WDR1: variants seen among roughly 807,000 people sequenced by gnomAD.
WDR1 encodes WD repeat domain 1, also known as WD repeat-containing protein 1.
A neutral mutation model predicts 71.9 loss-of-function variants in WDR1; 21 were observed. That is an observed-to-expected ratio of 0.29 (90% CI 0.21 to 0.42). The LOEUF is 0.42. Among genes scored for constraint, WDR1 ranks in the 10% least tolerant of loss-of-function variants. The pLI, the probability that WDR1 is intolerant of heterozygous loss-of-function variation, is 1.00. For synonymous variants in WDR1, 424 were observed against 347.4 expected (o/e 1.22, Z -2.45); for missense variants, 696 against 824.5 (o/e 0.84, Z 1.91).
intron 11 of WDR1, 150 bp from the exon 12 acceptor site, chr4:10,079,151 C>T (rs1296349066): frequency 5.0e-6 from 3 of 602,362 alleles, no homozygotes; most frequent in Non-Finnish European, 8.7e-6. Flanking sequence ...GGCTCTGAGC[C>T]ACACCACCTG....
In WDR1 at chr4:10,097,865, C is replaced by G. The variant is rs780795440; in HGVS notation, c.404G>C (p.Ser135Thr). Residue 135 changes from serine (S) to threonine (T), a missense_variant, in exon 5 of 15, where the codon AGT becomes ACT. Physicochemically the swap from Ser to Thr is moderately conservative, Grantham distance 58 (BLOSUM62 1). Transcript: ENST00000499869. Reference protein sequence around the residue: ...EKFGAVFLWDSGSSVGEITGH... With the variant: ...EKFGAVFLWDTGSSVGEITGH... ...TGTAATCTCGCCCACAGAAGAGCCA[C>G]TATCCCAGAGGAAGACTGCTCCAAA... 1 of 1,606,066 alleles carries G rather than the reference C, an allele frequency of 6.2e-7. No individual in the cohort carries two copies. The highest frequency in any genetic ancestry group is 1.1e-5 in the South Asian group (1 of 90,674).
At chr4:10,085,999 C>T (rs768510572) in intron 8 of WDR1, among the ~76,000 whole-genome samples, 2 of 152,170 alleles carry the variant, frequency 1.3e-5, no homozygotes, top group African/African-American at 4.8e-5. Context: ...TGGCCCCAGA[C>T]AGTTGGCAGC....
chr4:10,110,357 C>G (rs1274122222), intron 2 of WDR1, among the ~76,000 whole-genome samples: 1 of 152,196 alleles, frequency 6.6e-6, no homozygotes, highest in Non-Finnish European at 1.5e-5. Flanking sequence ...TACTCTTGGG[C>G]AAGGCCATCT....
intron 14 of WDR1, chr4:10,075,688 C>A: frequency 1.7e-6 from 1 of 597,816 alleles, no homozygotes; most frequent in South Asian, 2.0e-5. Context: ...GGGCCGGGTA[C>A]CTCTTTTTTG....
chr4:10,078,016 CTG>C (rs1764868399), intron 12 of WDR1, 90 bp from the exon 13 acceptor site: 3 of 1,414,562 alleles, frequency 2.1e-6, no homozygotes, highest in East Asian at 2.6e-5. Context: ...GCTTAAGAAA[CTG>C]TGCCGTTCCC....
rs766067328 is a variant in WDR1 at position 10,088,371 on chromosome 4, T to C, written c.639A>G (p.Ile213Met). ...CCCCAGTCTTCCCGTCATAGATGTA[T>C]ATCTTCCAAGAAATAAAAACATGTG... is the stretch of plus-strand genomic sequence containing the variant. ...RFATASADGQ[I>M]YIYDGKTGEK... is the part of the protein sequence containing the mutation. The change falls in exon 7 of 15, where the codon ATA becomes ATG. Residue 213 changes from isoleucine to methionine, a missense_variant and splice_region_variant. Transcript: ENST00000499869. The C allele has an allele frequency of 1.3e-6, 2 of 1,555,996 alleles. No individual in the cohort carries two copies. The highest frequency in any genetic ancestry group is 1.7e-6 in the Non-Finnish European group (2 of 1,149,328).
At chr4:10,103,285 CACAG>C (rs1442991423) in intron 3 of WDR1, among the ~76,000 whole-genome samples, 88 of 28,260 alleles carry the variant, frequency 3.1e-3, no homozygotes, top group African/African-American at 4.3e-3. Flanking sequence ...CACACACACA[CACAG>C]ACACACACAC....
chr4:10,080,169 A>G (rs1164372525), intron 11 of WDR1, among the ~76,000 whole-genome samples: 2 of 152,212 alleles, frequency 1.3e-5, no homozygotes, highest in Non-Finnish European at 2.9e-5. Context: ...AGCAGGCGCC[A>G]GCTGGGCCAG....
At position 10,114,383 on chromosome 4, in the gene WDR1, A is replaced by G. The variant is rs145554734; in HGVS notation, c.138+1730T>C. ...CACTCCATTAGAAGCAGCTCCAGTTACTGGCCTGCCTCACCTTGCTAAGTC... is the reference window on the plus strand; with the variant it reads ...CACTCCATTAGAAGCAGCTCCAGTTGCTGGCCTGCCTCACCTTGCTAAGTC... On this transcript the variant is annotated intron_variant, in intron 2 of 14. Transcript: ENST00000499869. Among the ~76,000 whole-genome samples, 53 of 152,306 alleles carry G rather than the reference A, an allele frequency of 3.5e-4. 1 individual carries two copies. The East Asian group carries it at 8.9e-3, about 25-fold the overall frequency.
At position 10,075,470 on chromosome 4, in the gene WDR1, G is replaced by A. The variant is rs1480053492; in HGVS notation, c.1729C>T (p.His577Tyr). ...RVKIQDAHRL[H>Y]HVSSLAWLDE... ...AGCCAGGCCAGGCTGCTGACATGGT[G>A]CAGCCGGTGTGCATCTGGGAAGAAA... The change falls in exon 15 of 15, where the codon CAC (histidine) becomes TAC (tyrosine). Residue 577 changes from histidine (H) to tyrosine (Y), a missense_variant. Transcript: ENST00000499869. 13 of 1,613,988 alleles carry A rather than the reference G, an allele frequency of 8.1e-6. No homozygotes were observed. The highest frequency in any genetic ancestry group is 1.7e-5 in the Admixed American group (1 of 60,006).
At position 10,081,003 on chromosome 4, in the gene WDR1, G is replaced by A. The variant is rs570139577; in HGVS notation, c.1284+354C>T. Among the ~76,000 whole-genome samples, 3 of 152,272 alleles carry A rather than the reference G, an allele frequency of 2.0e-5. No individual in the cohort carries two copies. In the South Asian group the frequency reaches 6.2e-4, roughly 32 times the overall value. On this transcript the variant is annotated intron_variant, in intron 11 of 14. Coordinates refer to ENST00000499869, the MANE Select transcript of WDR1 (RefSeq NM_017491.5). ...GGTCACACAGCTACAATGCAGCAGG[G>A]CTGGGATGTGAACAGGAGCAAAGGC...
intron 9 of WDR1, chr4:10,083,572 G>T (rs1209947997): frequency 2.1e-6 from 1 of 475,328 alleles, no homozygotes; most frequent in South Asian, 1.5e-5. Flanking sequence ...ACCTCCTTGG[G>T]TCCCGGACAG....
chr4:10,105,491 C>T (rs1158684461), intron 2 of WDR1, among the ~76,000 whole-genome samples: 2 of 152,216 alleles, frequency 1.3e-5, no homozygotes, highest in African/African-American at 4.8e-5. Context: ...AAAGAAGATA[C>T]TACGAATGAC....
chr4:10,075,504 T>A lies in WDR1; in HGVS notation c.1715-20A>T, dbSNP rs775089632. ...GTGCATCTGGGAAGAAAGGGTGCAA[T>A]TTAACGAAAAGCCAAACTTCTCTGC... On this transcript the variant is annotated intron_variant, in intron 14 of 14. Transcript: ENST00000499869. 6.2e-7 allele frequency: 1 copy of A among 1,612,170 alleles called. No individual in the cohort carries two copies. The highest frequency in any genetic ancestry group is 8.5e-7 in the Non-Finnish European group (1 of 1,178,690).
Position 10,116,783 on chromosome 4 carries a change from C to A in WDR1, c.-117G>T, listed in dbSNP as rs1713773095. ...ACTGGAGCCGGAAGGCGGCACCGGG[C>A]GTGCCGGGAGTGGAGTGGGCGGTCC... On this transcript the variant is annotated 5_prime_UTR_variant, in exon 1 of 15. Coordinates refer to ENST00000499869, the MANE Select transcript of WDR1 (RefSeq NM_017491.5). 3.4e-6 allele frequency: 4 copies of A among 1,191,328 alleles called. No homozygotes were observed. The highest frequency in any genetic ancestry group is 3.2e-5 in the African/African-American group (2 of 62,332). The allele number at this position is 1,191,328 out of a possible 1,614,324, so 73.8% of individuals were successfully genotyped here. A position where few individuals can be genotyped will look rare whatever the true frequency, so the allele number is the denominator to read the frequency against.
chr4:10,112,268 C>T (rs904883523), intron 2 of WDR1, among the ~76,000 whole-genome samples: 5 of 152,068 alleles, frequency 3.3e-5, no homozygotes, highest in Non-Finnish European at 7.4e-5. Context: ...GAAGGAACCA[C>T]CCCAGACCTA....
chr4:10,077,260 C>T lies in WDR1; in HGVS notation c.1714+44G>A, dbSNP rs374597819. 89 of 1,610,750 alleles carry T rather than the reference C, an allele frequency of 5.5e-5. No individual in the cohort carries two copies. In the African/African-American group the frequency reaches 7.9e-4, roughly 14 times the overall value. ...GCCTGTGAGGTGGCCCATGGAGCCC[C>T]GAACCATGGGTGGTCCCTGCCAAGG... On this transcript the variant is annotated intron_variant, in intron 14 of 14. Transcript: ENST00000499869.
At position 10,088,685 on chromosome 4, in the gene WDR1, G is replaced by A. The variant is rs754072412; in HGVS notation, c.615C>T (p.Ala205=). 6.2e-7 allele frequency: 1 copy of A among 1,607,324 alleles called. No homozygotes were observed. Among genetic ancestry groups the A allele is most frequent in the African/African-American group, 1.3e-5 (1 of 74,980 alleles). The change falls in exon 6 of 15, where the codon GCC becomes GCT. Residue 205 remains alanine (A), a synonymous_variant. Transcript: ENST00000499869. ...TTACCTGGCCGTCAGCACTGGCTGTGGCAAATCTGTTCCCATCAGGAGAGA... is the reference window on the plus strand; with the variant it reads ...TTACCTGGCCGTCAGCACTGGCTGTAGCAAATCTGTTCCCATCAGGAGAGA... ...VRFSPDGNRF[A]TASADGQIYI...
rs1300739862 is a variant in WDR1, at chr4:10,088,611, C to CG, written c.636+52dup. 4 of 1,470,282 alleles carry CG rather than the reference C, an allele frequency of 2.7e-6. No individual in the cohort carries two copies. The African/African-American group carries it at 5.6e-5, about 21-fold the overall frequency. 91.1% of individuals were successfully genotyped at this position (1,470,282 alleles called of 1,614,324 possible). A position where few individuals can be genotyped will look rare whatever the true frequency, so the allele number is the denominator to read the frequency against. On this transcript the variant is annotated intron_variant, in intron 6 of 14. Coordinates refer to ENST00000499869, the MANE Select transcript of WDR1 (RefSeq NM_017491.5). ...GGCAGCCTGCGGCTCTGAGCAGTCACGGGAGCAGGCAGACAAGCCATTCCC... is the reference window on the plus strand; with the variant it reads ...GGCAGCCTGCGGCTCTGAGCAGTCACGGGGAGCAGGCAGACAAGCCATTCCC...
Sources: allele counts gnomAD v4.1 joint callset (sites outside exome capture counted in the v4.1 genomes callset), GRCh38; gene constraint gnomAD v4.1.1; transcripts MANE v1.5; gene names NCBI Gene and HGNC (gene_info 2026-07-23, HGNC 2026-07-21).